Variants in TMPRSS3 observed in about 807,000 individuals in gnomAD.
TMPRSS3 encodes the protein transmembrane protease serine 3.
Under a neutral mutation model 59.6 loss-of-function variants are expected in TMPRSS3, and 55 were observed. The observed-to-expected ratio is 0.92, with a 90% CI of 0.74 to 1.16. The LOEUF (loss-of-function observed/expected upper bound fraction) is 1.16. TMPRSS3 is among the 50% of genes most tolerant of loss of function. The pLI is 0.00. For synonymous variants in TMPRSS3, 257 were observed against 237.7 expected (o/e 1.08, Z -0.75); for missense variants, 596 against 579.4 (o/e 1.03, Z -0.29).
chr21:42,379,844 G>A (rs907958111), intron 10 of TMPRSS3, among the ~76,000 whole-genome samples: 19 of 152,216 alleles, frequency 1.2e-4, no homozygotes, highest in Admixed American at 6.5e-4. Context: ...CCGGGGGTCC[G>A]GGCAGGGAAA....
chr21:42,385,940 C>T (rs747702425), intron 5 of TMPRSS3, among the ~76,000 whole-genome samples: 1 of 152,126 alleles, frequency 6.6e-6, no homozygotes, highest in African/African-American at 2.4e-5. Flanking sequence ...GGCACCCAAG[C>T]AGGGACACCA....
Position 42,388,498 on chromosome 21 carries a change from G to C in TMPRSS3, c.351C>G (p.Leu117=), listed in dbSNP as rs1202633607. 1.9e-6 allele frequency: 3 copies of C among 1,614,178 alleles called. No homozygotes were observed. Among genetic ancestry groups the C allele is most frequent in the South Asian group, 2.2e-5 (2 of 91,078 alleles). The change falls in exon 5 of 13, where the codon CTC becomes CTG. Residue 117 remains leucine, a synonymous_variant. Transcript: ENST00000644384. The surrounding 1 kb of genome is among the most constrained non-coding windows in gnomAD (Gnocchi z 5.1). ...TCCACGAAGCAGCTGTGAACACCTG[G>C]AGCACGGCATTCTGACCACCCACCC... ...CVRVGGQNAV[L]QVFTAASWKT... is the part of the protein sequence containing the mutation.
At chr21:42,395,237 T>C in intron 2 of TMPRSS3, 87 bp downstream of exon 2, 1 of 1,146,050 alleles carries the variant, frequency 8.7e-7, no homozygotes, top group East Asian at 2.4e-5. Context: ...TGGGGAGATA[T>C]TTCCCCCACA....
chr21:42,386,092 T>A (rs1322421509), intron 5 of TMPRSS3, among the ~76,000 whole-genome samples: 1 of 152,100 alleles, frequency 6.6e-6, no homozygotes, highest in Non-Finnish European at 1.5e-5. Flanking sequence ...ATTTTTACAG[T>A]GCCAGGACAC....
chr21:42,389,920 T>C lies in TMPRSS3; in HGVS notation c.205+7A>G. On this transcript the variant is annotated splice_region_variant and intron_variant, in intron 3 of 12. Transcript: ENST00000644384. ...TGAGATCCTACTAAATAATGAATTG[T>C]ACTCACTGCCCAGACCAATGGCCAG... 6.3e-7 allele frequency: 1 copy of C among 1,599,116 alleles called. No individual in the cohort carries two copies. Among genetic ancestry groups the C allele is most frequent in the African/African-American group, 1.3e-5 (1 of 74,710 alleles).
chr21:42,392,157 A>G (rs1473602120), intron 2 of TMPRSS3, among the ~76,000 whole-genome samples: 3 of 152,184 alleles, frequency 2.0e-5, no homozygotes, highest in African/African-American at 7.2e-5. Context: ...TTGAGCCGAG[A>G]GCTCTGTCAT....
chr21:42,389,207 G>A (rs961128173), intron 3 of TMPRSS3, 162 bp from the exon 4 acceptor site: 2 of 1,464,264 alleles, frequency 1.4e-6, no homozygotes, highest in Non-Finnish European at 1.8e-6. Context: ...CCCAGTTTCT[G>A]TTTTGAATTC....
chr21:42,393,869 T>G (rs1198063510), intron 2 of TMPRSS3, among the ~76,000 whole-genome samples: 1 of 152,208 alleles, frequency 6.6e-6, no homozygotes, highest in Non-Finnish European at 1.5e-5. Context: ...AGCCATAGTT[T>G]GTCAACATCT....
chr21:42,393,512 G>A (rs145707948), intron 2 of TMPRSS3, among the ~76,000 whole-genome samples: 205 of 152,126 alleles, frequency 1.3e-3, no homozygotes, highest in African/African-American at 4.6e-3. Context: ...CGCAAATATC[G>A]ACCCCCAAGG....
At chr21:42,373,673 C>T (rs1301420016) in intron 12 of TMPRSS3, among the ~76,000 whole-genome samples, 2 of 152,256 alleles carry the variant, frequency 1.3e-5, no homozygotes, top group East Asian at 1.9e-4. Flanking sequence ...TGTGCAGTCA[C>T]ACTGGGGCCA....
At chr21:42,375,169 C>A (rs906852113) in intron 12 of TMPRSS3, among the ~76,000 whole-genome samples, 2 of 151,972 alleles carry the variant, frequency 1.3e-5, no homozygotes, top group Non-Finnish European at 2.9e-5. Flanking sequence ...AAGCCAGCCT[C>A]GCTGTTGGGT....
chr21:42,388,493 A>G lies in TMPRSS3; in HGVS notation c.356T>C (p.Val119Ala). ...RVGGQNAVLQVFTAASWKTMC... is the reference protein window; with the variant it reads ...RVGGQNAVLQAFTAASWKTMC... ...GGTCTTCCACGAAGCAGCTGTGAACACCTGGAGCACGGCATTCTGACCACC... is the reference window on the plus strand; with the variant it reads ...GGTCTTCCACGAAGCAGCTGTGAACGCCTGGAGCACGGCATTCTGACCACC... The change falls in exon 5 of 13, where the codon GTG (valine) becomes GCG (alanine). Residue 119 changes from valine (V) to alanine (A), a missense_variant. Coordinates refer to ENST00000644384, the MANE Select transcript of TMPRSS3 (RefSeq NM_001256317.3). The surrounding 1 kb of genome is among the most constrained non-coding windows in gnomAD (Gnocchi z 5.1). 1 of 1,614,136 alleles carries G rather than the reference A, an allele frequency of 6.2e-7. No homozygotes were observed.
At chr21:42,385,047 C>CGCTT (rs796448424) in intron 6 of TMPRSS3, among the ~76,000 whole-genome samples, 1 of 92,088 alleles carries the variant, frequency 1.1e-5, no homozygotes, top group Non-Finnish European at 2.0e-5. Context: ...CTCCCTCCCT[C>CGCTT]CCTTCCTTCC....
rs190584242 is a variant in TMPRSS3 at position 42,389,128 on chromosome 21, C to A, written c.206-83G>T. ...ACAACTGTCCCCCTGCCACACAGTGCGGAGCTGGCCCGTGAATAATGAAAC... is the reference window on the plus strand; with the variant it reads ...ACAACTGTCCCCCTGCCACACAGTGAGGAGCTGGCCCGTGAATAATGAAAC... On this transcript the variant is annotated intron_variant, in intron 3 of 12. Transcript: ENST00000644384. 152 of 1,593,738 alleles carry A rather than the reference C, an allele frequency of 9.5e-5. 1 individual carries two copies. The highest frequency in any genetic ancestry group is 7.8e-5 in the Non-Finnish European group (91 of 1,171,866).
intron 2 of TMPRSS3, 91 bp from the exon 3 acceptor site, chr21:42,390,128 C>T (rs1036908013): frequency 5.0e-6 from 5 of 1,004,740 alleles, no homozygotes; most frequent in African/African-American, 1.6e-5. Context: ...TTCCCCCTCC[C>T]CTCTTTGCAG....
intron 2 of TMPRSS3, 67 bp from the exon 3 acceptor site, chr21:42,390,104 A>G (rs942241399): frequency 8.5e-7 from 1 of 1,180,342 alleles, no homozygotes; most frequent in Non-Finnish European, 1.3e-6. Context: ...GAAACTTACA[A>G]ATTTAACTAT....
intron 2 of TMPRSS3, among the ~76,000 whole-genome samples, chr21:42,391,564 A>G (rs1321697446): frequency 1.3e-5 from 2 of 152,176 alleles, no homozygotes; most frequent in East Asian, 3.9e-4. Context: ...CTGCTTGCAG[A>G]CCACTGTAAA....
At chr21:42,381,067 G>C (rs552323279) in intron 9 of TMPRSS3, among the ~76,000 whole-genome samples, 168 of 152,362 alleles carry the variant, frequency 1.1e-3, no homozygotes, top group Middle Eastern at 3.4e-3. Context: ...GCCAGGTAGA[G>C]CCTGCAGCTG....
At chr21:42,385,309 C>A (rs776142983) in intron 6 of TMPRSS3, 100 bp downstream of exon 6, 1 of 1,528,508 alleles carries the variant, frequency 6.5e-7, no homozygotes, top group Non-Finnish European at 9.0e-7. Flanking sequence ...TGAGATAACA[C>A]ATGCATGCCT....
Sources: gnomAD v4.1 joint callset for allele counts (sites outside exome capture counted in the v4.1 genomes callset) on GRCh38, gnomAD v4.1.1 for gene constraint, Gnocchi (gnomAD v3.1) non-coding constraint, MANE v1.5 for transcripts, NCBI Gene and HGNC (gene_info 2026-07-23, HGNC 2026-07-21) for gene names.